The following SLC37A1 variants were observed in gnomAD, a reference collection of about 807,000 sequenced individuals.
SLC37A1 encodes solute carrier family 37 member 1.
A neutral mutation model predicts 75.3 loss-of-function variants in SLC37A1; 49 were observed. The ratio of observed to expected loss-of-function variants is 0.65; its 90% confidence interval spans 0.52 to 0.83. SLC37A1 has a LOEUF of 0.83. Ranked by LOEUF, SLC37A1 falls within the 40% of genes least tolerant of loss-of-function variation. SLC37A1 has a pLI of 0.00. For missense variants in SLC37A1, 566 were observed against 695.0 expected (o/e 0.81, Z 2.09); for synonymous variants, 268 against 292.1 (o/e 0.92, Z 0.84).
chr21:42,541,934 GTC>G lies in SLC37A1; in HGVS notation c.487-464_487-463del, dbSNP rs1489930934. Among the ~76,000 whole-genome samples the G allele has an allele frequency of 2.0e-5, 3 of 152,218 alleles. No homozygotes were observed. In the East Asian group the frequency reaches 5.8e-4, roughly 30 times the overall value. The stretch of plus-strand genomic sequence containing the variant: ...TTTTTAATTTTTTGTAGACAAGGGG[GTC>G]TCTCTATATTGCCCAGGCTGGTCTC... On this transcript the variant is annotated intron_variant, in intron 6 of 19. Transcript: ENST00000352133.
chr21:42,518,584 G>T (rs568785209), intron 2 of SLC37A1, 74 bp downstream of exon 2: 2 of 1,526,120 alleles, frequency 1.3e-6, no homozygotes, highest in South Asian at 1.1e-5. Context: ...TAGTTGTGTT[G>T]CCCCAGTTTC....
At chr21:42,534,079 G>A (rs538455273) in intron 3 of SLC37A1, among the ~76,000 whole-genome samples, 1 of 152,156 alleles carries the variant, frequency 6.6e-6, no homozygotes, top group African/African-American at 2.4e-5. Flanking sequence ...ACCCTTTCTG[G>A]CTCCCAGACA....
At chr21:42,500,373 C>T (rs1428869587) in intron 1 of SLC37A1, among the ~76,000 whole-genome samples, 2 of 151,964 alleles carry the variant, frequency 1.3e-5, no homozygotes, top group African/African-American at 2.4e-5. Flanking sequence ...AGAGACAGAC[C>T]CGAGATTGGA....
At chr21:42,565,086 C>A (rs1267464423) in intron 14 of SLC37A1, among the ~76,000 whole-genome samples, 4 of 152,356 alleles carry the variant, frequency 2.6e-5, no homozygotes, top group African/African-American at 9.6e-5. Flanking sequence ...CTTTGGGATC[C>A]GCAACACCTC....
At chr21:42,541,561 A>G (rs529767901) in intron 6 of SLC37A1, among the ~76,000 whole-genome samples, 1 of 152,220 alleles carries the variant, frequency 6.6e-6, no homozygotes, top group Non-Finnish European at 1.5e-5. Flanking sequence ...GGATTCTTCA[A>G]AAGTGCAGAG....
At chr21:42,555,132 C>A (rs2055656603) in intron 10 of SLC37A1, among the ~76,000 whole-genome samples, 1 of 151,780 alleles carries the variant, frequency 6.6e-6, no homozygotes, top group South Asian at 2.1e-4. Flanking sequence ...ATTACAGGCA[C>A]CCACCACCAC....
At chr21:42,513,451 C>G (rs988062484), upstream of SLC37A1, among the ~76,000 whole-genome samples, 39 of 152,282 alleles carry the variant, frequency 2.6e-4, 1 homozygote, top group African/African-American at 8.4e-4. Flanking sequence ...GCCGGGAGGC[C>G]AAGCAAAGGC....
intron 3 of SLC37A1, among the ~76,000 whole-genome samples, chr21:42,532,339 G>C (rs1287825279): frequency 6.6e-6 from 1 of 152,244 alleles, no homozygotes; most frequent in Non-Finnish European, 1.5e-5. Flanking sequence ...GCGGCCTGCA[G>C]AATCTCTTTT....
chr21:42,538,880 G>GA (rs556035711), intron 5 of SLC37A1, among the ~76,000 whole-genome samples: 12 of 152,324 alleles, frequency 7.9e-5, no homozygotes, highest in Admixed American at 3.9e-4. Context: ...GCTGTTTAGT[G>GA]AATCGCATTG....
rs2055220685 is a variant in SLC37A1, at chr21:42,539,510, A to C, written c.351-2A>C. 6.2e-7 allele frequency: 1 copy of C among 1,610,370 alleles called. No individual in the cohort carries two copies. Among genetic ancestry groups the C allele is most frequent in the Non-Finnish European group, 8.5e-7 (1 of 1,178,622 alleles). On this transcript the variant is annotated splice_acceptor_variant, in intron 5 of 19. Transcript: ENST00000352133. LOFTEE classifies it high-confidence loss of function. Reference sequence around the variant, plus strand: ...ATTTGTCTTTCCTTCTCTCCACCTCAGTGGCATCATTGGGGAGCGCCTGCC... The same window carrying C: ...ATTTGTCTTTCCTTCTCTCCACCTCCGTGGCATCATTGGGGAGCGCCTGCC...
intron 1 of SLC37A1, among the ~76,000 whole-genome samples, chr21:42,501,295 A>T (rs1045996641): frequency 3.3e-5 from 5 of 152,190 alleles, no homozygotes; most frequent in Admixed American, 6.5e-5. Context: ...CTCTCTCAGG[A>T]TATCAGTTGC....
At chr21:42,526,153 T>G in intron 3 of SLC37A1, 2 of 291,534 alleles carry the variant, frequency 6.9e-6, no homozygotes, top group Non-Finnish European at 1.3e-5. Flanking sequence ...TCCTTCCAAA[T>G]GTATCCAGTC....
In SLC37A1 at chr21:42,552,262, C is replaced by T. The variant is rs1428139244; in HGVS notation, c.769-1800C>T. ...CCTCATTGGGTCCAAAACCCTGTATCAGTTGTGTCAAAATTAATGTTTTTA... is the reference window on the plus strand; with the variant it reads ...CCTCATTGGGTCCAAAACCCTGTATTAGTTGTGTCAAAATTAATGTTTTTA... On this transcript the variant is annotated intron_variant, in intron 9 of 19. Coordinates refer to ENST00000352133, the MANE Select transcript of SLC37A1 (RefSeq NM_001320537.2). This position sits in a 1 kb window ranked among gnomAD's most constrained non-coding sequence, Gnocchi z 4.2. Among the ~76,000 whole-genome samples the T allele has an allele frequency of 6.6e-6, 1 of 152,138 alleles. No individual in the cohort carries two copies. Among genetic ancestry groups the T allele is most frequent in the African/African-American group, 2.4e-5 (1 of 41,406 alleles).
chr21:42,518,398 C>G lies in SLC37A1; in HGVS notation c.-57C>G, dbSNP rs1352739342. ...GAGGATCTGGAGCCAGGATTAATGA[C>G]TCATTTATGAAGCATCTTATTCTGC... is the stretch of plus-strand genomic sequence containing the variant. On this transcript the variant is annotated 5_prime_UTR_variant, in exon 2 of 20. Coordinates refer to ENST00000352133, the MANE Select transcript of SLC37A1 (RefSeq NM_001320537.2). The G allele has an allele frequency of 1.9e-6, 3 of 1,605,004 alleles. No homozygotes were observed. Among genetic ancestry groups the G allele is most frequent in the Admixed American group, 3.3e-5 (2 of 59,968 alleles).
chr21:42,564,786 C>T lies in SLC37A1; in HGVS notation c.1214C>T (p.Ala405Val). The T allele has an allele frequency of 1.2e-6, 2 of 1,604,996 alleles. No homozygotes were observed. Among genetic ancestry groups the T allele is most frequent in the Non-Finnish European group, 8.5e-7 (1 of 1,179,808 alleles). ...STCGLMLLLA[A>V]PTLYIFSTVS... ...TGCGGCCTGATGCTGCTGCTCGCGGCCCCCACGGTCAGCCGTGCTGCCTTC... is the reference window on the plus strand; with the variant it reads ...TGCGGCCTGATGCTGCTGCTCGCGGTCCCCACGGTCAGCCGTGCTGCCTTC... The change falls in exon 14 of 20, where the codon GCC becomes GTC. Residue 405 changes from alanine (A) to valine (V), a missense_variant. Physicochemically the swap from Ala to Val is moderately conservative, Grantham distance 64. Transcript: ENST00000352133.
intron 12 of SLC37A1, 77 bp downstream of exon 12, chr21:42,562,245 A>G: frequency 1.5e-6 from 2 of 1,327,704 alleles, no homozygotes; most frequent in Non-Finnish European, 2.2e-6. Context: ...GCTGGTTTCT[A>G]GAGTATTGAA....
chr21:42,557,065 G>A (rs921652854), intron 10 of SLC37A1, among the ~76,000 whole-genome samples: 3 of 152,236 alleles, frequency 2.0e-5, no homozygotes, highest in African/African-American at 7.2e-5. Context: ...TTGGGCATCT[G>A]GGTCCTACCT....
chr21:42,566,017 C>T lies in SLC37A1; in HGVS notation c.1270+142C>T, dbSNP rs1040603858. ...GTGTGGCTAAAATTGTCCGTGTCCT[C>T]CTTTGGGCAAGACCATCTGGAGAGG... is the stretch of plus-strand genomic sequence containing the variant. On this transcript the variant is annotated intron_variant, in intron 15 of 19. Coordinates refer to ENST00000352133, the MANE Select transcript of SLC37A1 (RefSeq NM_001320537.2). The T allele has an allele frequency of 1.7e-5, 13 of 775,368 alleles. No homozygotes were observed. In the East Asian group the frequency reaches 2.9e-4, roughly 17 times the overall value. The allele number at this position is 775,368 out of a possible 1,614,324, so 48.0% of individuals were successfully genotyped here.
At chr21:42,574,012 C>T (rs1288725154) in intron 17 of SLC37A1, among the ~76,000 whole-genome samples, 1 of 63,536 alleles carries the variant, frequency 1.6e-5, no homozygotes, top group African/African-American at 9.0e-5. Context: ...GTTCATCATG[C>T]ACCCGTGTTT....
Sources: gnomAD v4.1 joint callset for allele counts (sites outside exome capture counted in the v4.1 genomes callset) on GRCh38, gnomAD v4.1.1 for gene constraint, Gnocchi (gnomAD v3.1) non-coding constraint, MANE v1.5 for transcripts, NCBI Gene and HGNC (gene_info 2026-07-23, HGNC 2026-07-21) for gene names.